The following CLTRN variants were observed in gnomAD, a reference collection of about 807,000 sequenced individuals.
The protein encoded by CLTRN is collectrin, amino acid transport regulator.
Under a neutral mutation model 14.5 loss-of-function variants are expected in CLTRN, and 12 were observed. That is an observed-to-expected ratio of 0.83 (90% CI 0.53 to 1.34). CLTRN has a LOEUF of 1.34. Ranked by LOEUF, CLTRN falls within the 40% of genes most tolerant of loss-of-function variation. The pLI, the probability that CLTRN is intolerant of heterozygous loss-of-function variation, is 0.00. For missense variants in CLTRN, 154 were observed against 165.1 expected, an observed-to-expected ratio of 0.93 and a Z score of 0.37; for synonymous variants, 58 against 56.5, an observed-to-expected ratio of 1.03 and a Z score of -0.12.
upstream of CLTRN, among the ~76,000 whole-genome samples, chrX:15,668,243 A>T (rs908102931): frequency 1.8e-5 from 2 of 111,958 alleles, no homozygotes; most frequent in African/African-American, 6.5e-5. Context: ...CTGCAGTGGC[A>T]CTATCAGAAC....
At chrX:15,634,231 T>C (rs1285618729) in intron 5 of CLTRN, among the ~76,000 whole-genome samples, 1 of 111,885 alleles carries the variant, frequency 8.9e-6, no homozygotes, top group Admixed American at 9.5e-5. Flanking sequence ...CTTAAATTGA[T>C]ATAGCACTTT....
intron 5 of CLTRN, among the ~76,000 whole-genome samples, chrX:15,636,745 G>A (rs1928828794): frequency 1.8e-5 from 2 of 111,359 alleles, no homozygotes. Flanking sequence ...GCCGATCTTG[G>A]ATAATCATAA....
intron 1 of CLTRN, among the ~76,000 whole-genome samples, chrX:15,673,217 C>T (rs1325538539): frequency 8.9e-6 from 1 of 112,673 alleles, no homozygotes; most frequent in African/African-American, 3.2e-5. Context: ...TTTTTATGAA[C>T]ACCGTAAAAC....
At chrX:15,652,444 CA>C (rs1929240379) in intron 3 of CLTRN, among the ~76,000 whole-genome samples, 1 of 87,621 alleles carries the variant, frequency 1.1e-5, no homozygotes. Flanking sequence ...TCAAAGAGGC[CA>C]AAAAAATAAA....
chrX:15,675,519 T>A, upstream of CLTRN: 1 of 112,955 alleles, frequency 8.9e-6, no homozygotes, highest in Non-Finnish European at 1.9e-5. Context: ...GTCGGCAAGT[T>A]AGCGTGCAGG....
intron 2 of CLTRN, among the ~76,000 whole-genome samples, chrX:15,660,018 G>T (rs1929468409): frequency 9.0e-6 from 1 of 111,718 alleles, no homozygotes; most frequent in African/African-American, 3.3e-5. Flanking sequence ...ACCAAGGAGG[G>T]TAGCAACTAA....
At chrX:15,671,077 T>C (rs972348256) in intron 1 of CLTRN, among the ~76,000 whole-genome samples, 1 of 111,608 alleles carries the variant, frequency 9.0e-6, no homozygotes, top group Non-Finnish European at 1.9e-5. Flanking sequence ...ATCATATTCA[T>C]GGGCTACGAG....
At chrX:15,630,466 C>A in intron 5 of CLTRN, among the ~76,000 whole-genome samples, 1 of 111,640 alleles carries the variant, frequency 9.0e-6, no homozygotes, top group South Asian at 3.8e-4. Context: ...TTAGGCTTTG[C>A]TGATGGTTTA....
chrX:15,674,011 T>G (rs1347945173), intron 1 of CLTRN, among the ~76,000 whole-genome samples: 1 of 112,353 alleles, frequency 8.9e-6, no homozygotes, highest in Non-Finnish European at 1.9e-5. Context: ...CATCTTTAAT[T>G]TTCTCAATTC....
At chrX:15,646,248 T>C in intron 3 of CLTRN, 1 of 241,313 alleles carries the variant, frequency 4.1e-6, no homozygotes, top group South Asian at 4.3e-5. Flanking sequence ...GGCCAGACCG[T>C]ACCCGGCACA....
chrX:15,675,072 G>C (rs931703336), upstream of CLTRN: 1 of 113,491 alleles, frequency 8.8e-6, no homozygotes, highest in African/African-American at 3.2e-5. Flanking sequence ...CCGCCAGTGA[G>C]GAGCGCAGGC....
intron 5 of CLTRN, among the ~76,000 whole-genome samples, chrX:15,637,230 C>T (rs973196786): frequency 2.7e-5 from 3 of 110,917 alleles, no homozygotes; most frequent in East Asian, 2.8e-4. Context: ...GTTGAACATT[C>T]CTTTGACTGT....
chrX:15,633,431 A>C (rs1601720405), intron 5 of CLTRN, among the ~76,000 whole-genome samples: 1 of 112,702 alleles, frequency 8.9e-6, no homozygotes, highest in African/African-American at 3.2e-5. Context: ...GAATGAAACA[A>C]GACTGGTGAA....
At chrX:15,654,447 T>G (rs1405190057) in intron 3 of CLTRN, among the ~76,000 whole-genome samples, 2 of 112,569 alleles carry the variant, frequency 1.8e-5, no homozygotes, top group Admixed American at 9.4e-5. Flanking sequence ...GAAATTCCTT[T>G]CAACATTTTA....
chrX:15,642,618 T>C (rs1293505261), intron 4 of CLTRN, among the ~76,000 whole-genome samples: 3 of 112,122 alleles, frequency 2.7e-5, no homozygotes. Context: ...AATTCTAAGA[T>C]GTCTGTTTCA....
chrX:15,654,708 G>A (rs1035928052), intron 3 of CLTRN, among the ~76,000 whole-genome samples: 1 of 112,562 alleles, frequency 8.9e-6, no homozygotes, highest in Non-Finnish European at 1.9e-5. Flanking sequence ...TTGTCTTGTT[G>A]CTGTCACATT....
At chrX:15,634,749 C>G (rs1419795550) in intron 5 of CLTRN, among the ~76,000 whole-genome samples, 3 of 82,915 alleles carry the variant, frequency 3.6e-5, no homozygotes, top group African/African-American at 1.5e-4. Flanking sequence ...CACATGGACA[C>G]AGGAAGGGGA....
upstream of CLTRN, among the ~76,000 whole-genome samples, chrX:15,669,505 T>C (rs1050203391): frequency 1.8e-5 from 2 of 112,279 alleles, no homozygotes; most frequent in African/African-American, 6.5e-5. Flanking sequence ...TCTCCTGAGA[T>C]GGGAAAACGA....
At chrX:15,642,179 C>T (rs1928958574) in intron 4 of CLTRN, among the ~76,000 whole-genome samples, 1 of 112,117 alleles carries the variant, frequency 8.9e-6, no homozygotes, top group Admixed American at 9.4e-5. Context: ...TACTTGCTCA[C>T]TCTAGGCTTG....
Sources: gnomAD v4.1 joint callset for allele counts (sites outside exome capture counted in the v4.1 genomes callset) on GRCh38, gnomAD v4.1.1 for gene constraint, MANE v1.5 for transcripts, NCBI Gene and HGNC (gene_info 2026-07-23, HGNC 2026-07-21) for gene names.